Variants in ADAMTS17 observed in about 807,000 individuals in gnomAD.
The protein encoded by ADAMTS17 is ADAM metallopeptidase with thrombospondin type 1 motif 17.
A neutral mutation model predicts 141.5 loss-of-function variants in ADAMTS17; 113 were observed. That is an observed-to-expected ratio of 0.80 (90% confidence interval 0.69 to 0.93). The LOEUF (loss-of-function observed/expected upper bound fraction) is 0.93. Ranked by LOEUF, ADAMTS17 falls within the 40% of genes least tolerant of loss-of-function variation. The probability of loss-of-function intolerance (pLI) is 0.00; values close to 1 mark genes in which losing one functional copy is unlikely to be tolerated. For missense variants in ADAMTS17, 1,659 were observed against 1,517.9 expected (o/e 1.09, Z -1.54); for synonymous variants, 768 against 630.6 (o/e 1.22, Z -3.27).
intron 6 of ADAMTS17, among the ~76,000 whole-genome samples, chr15:100,259,978 G>A (rs1214029442): frequency 2.0e-5 from 3 of 152,108 alleles, no homozygotes; most frequent in Non-Finnish European, 4.4e-5. Context: ...CCAAGTAGCT[G>A]GGATTACAAG....
intron 19 of ADAMTS17, among the ~76,000 whole-genome samples, chr15:99,996,499 C>T (rs1477611881): frequency 6.6e-6 from 1 of 152,178 alleles, no homozygotes; most frequent in African/African-American, 2.4e-5. Context: ...CCTAAAATAT[C>T]ATAAAATGTA....
intron 18 of ADAMTS17, among the ~76,000 whole-genome samples, chr15:100,023,806 G>A (rs2727113): frequency 0.062 from 9,494 of 152,170 alleles, 921 homozygotes; most frequent in African/African-American, 0.21. Flanking sequence ...TGATCTTTGC[G>A]CTGATCTCCA....
chr15:100,325,761 T>C (rs1311354929), intron 3 of ADAMTS17, among the ~76,000 whole-genome samples: 1 of 152,228 alleles, frequency 6.6e-6, no homozygotes, highest in African/African-American at 2.4e-5. Flanking sequence ...CTATGCTTTA[T>C]GTAGACGCTG....
At position 100,213,971 on chromosome 15, in the gene ADAMTS17, A is replaced by G. The variant is rs530486187; in HGVS notation, c.1076-14548T>C. ...TTTTCTCCTTTCTGATGAATTTACAAAAGAAAGCAAGCTGCTGAGAAGGCC... is the reference window on the plus strand; with the variant it reads ...TTTTCTCCTTTCTGATGAATTTACAGAAGAAAGCAAGCTGCTGAGAAGGCC... On this transcript the variant is annotated intron_variant, in intron 7 of 21. Coordinates refer to ENST00000268070, the MANE Select transcript of ADAMTS17 (RefSeq NM_139057.4). Among the ~76,000 whole-genome samples, 125 of 152,342 alleles carry G rather than the reference A, an allele frequency of 8.2e-4. 2 individuals are homozygous for G. In the South Asian group the frequency reaches 0.025, roughly 30 times the overall value.
At chr15:100,149,898 C>G (rs1033230117) in intron 10 of ADAMTS17, among the ~76,000 whole-genome samples, 3 of 152,178 alleles carry the variant, frequency 2.0e-5, no homozygotes. Context: ...CACTGCTACC[C>G]CACAGTCAGA....
intron 3 of ADAMTS17, among the ~76,000 whole-genome samples, chr15:100,315,023 G>A (rs953461460): frequency 1.3e-5 from 2 of 152,242 alleles, no homozygotes; most frequent in African/African-American, 2.4e-5. Context: ...TGAGGGACAA[G>A]GGGGCAAACC....
intron 17 of ADAMTS17, among the ~76,000 whole-genome samples, chr15:100,049,374 C>T (rs1596301536): frequency 1.3e-5 from 2 of 152,196 alleles, no homozygotes; most frequent in Non-Finnish European, 2.9e-5. Flanking sequence ...AAGACCTGCA[C>T]ATCAGCCCTC....
chr15:100,291,592 A>G (rs2044626331), intron 3 of ADAMTS17, among the ~76,000 whole-genome samples: 1 of 152,212 alleles, frequency 6.6e-6, no homozygotes, highest in Non-Finnish European at 1.5e-5. Context: ...GAATCAATCT[A>G]GATGCCTATC....
At chr15:100,052,312 C>T (rs1270305959) in intron 16 of ADAMTS17, among the ~76,000 whole-genome samples, 1 of 152,196 alleles carries the variant, frequency 6.6e-6, no homozygotes, top group African/African-American at 2.4e-5. Flanking sequence ...ATGTGTACAC[C>T]CCAGTTTGGG....
intron 10 of ADAMTS17, 62 bp from the exon 11 acceptor site, chr15:100,133,377 G>T (rs2038159619): frequency 6.6e-7 from 1 of 1,504,082 alleles, no homozygotes; most frequent in African/African-American, 1.4e-5. Context: ...GTCACAGCTG[G>T]GGTCAGAGGT....
chr15:100,036,885 C>A (rs2030774020), intron 18 of ADAMTS17, among the ~76,000 whole-genome samples: 1 of 152,176 alleles, frequency 6.6e-6, no homozygotes, highest in Non-Finnish European at 1.5e-5. Context: ...TTCAGGGTTT[C>A]TCTGTGCCAG....
chr15:100,014,269 C>T (rs1226004138), intron 18 of ADAMTS17, among the ~76,000 whole-genome samples: 1 of 152,038 alleles, frequency 6.6e-6, no homozygotes, highest in African/African-American at 2.4e-5. Context: ...TTTGGATTTT[C>T]TCTCTTCTTT....
chr15:100,003,020 T>A (rs747426227), intron 18 of ADAMTS17, among the ~76,000 whole-genome samples: 4 of 151,984 alleles, frequency 2.6e-5, no homozygotes, highest in Non-Finnish European at 5.9e-5. Context: ...TGCCCCTGCC[T>A]CCCTCCTATG....
intron 7 of ADAMTS17, among the ~76,000 whole-genome samples, chr15:100,251,206 G>A (rs1436795396): frequency 6.6e-6 from 1 of 152,212 alleles, no homozygotes; most frequent in Admixed American, 6.5e-5. Context: ...GCTGTCACGT[G>A]AAGAACAGTG....
intron 7 of ADAMTS17, among the ~76,000 whole-genome samples, chr15:100,243,689 C>G (rs1406606393): frequency 6.6e-6 from 1 of 151,336 alleles, no homozygotes; most frequent in African/African-American, 2.4e-5. Context: ...ACGTGGGAGG[C>G]TGAGGCAGGA....
rs183458128 is a variant in ADAMTS17, at chr15:100,106,341, C to T, written c.2016+2648G>A. ...AGTCTAGGGTATTCGTTAGAGCAGCCTGAGTTGACTAAGACGACACCCAAG... is the reference window on the plus strand; with the variant it reads ...AGTCTAGGGTATTCGTTAGAGCAGCTTGAGTTGACTAAGACGACACCCAAG... On this transcript the variant is annotated intron_variant, in intron 14 of 21. Transcript: ENST00000268070. Among the ~76,000 whole-genome samples the T allele has an allele frequency of 7.0e-4, 106 of 152,264 alleles. 1 individual carries two copies. The highest frequency in any genetic ancestry group is 3.4e-3 in the Middle Eastern group (1 of 294).
intron 17 of ADAMTS17, 114 bp downstream of exon 17, chr15:100,051,455 ATTC>A: frequency 6.9e-7 from 1 of 1,453,312 alleles, no homozygotes; most frequent in African/African-American, 1.4e-5. Flanking sequence ...ATATGGTTAA[ATTC>A]CCATGGAGCT....
In ADAMTS17 at chr15:99,993,413, C is replaced by T. The variant is rs9635426; in HGVS notation, c.2797-213G>A. ...CGAGTGGCCAGTGTTGTGGAAGGGA[C>T]CTAGGAATCAGGAGTGGGAAGAACC... On this transcript the variant is annotated intron_variant, in intron 19 of 21. Transcript: ENST00000268070. This position sits in a 1 kb window ranked among gnomAD's most constrained non-coding sequence, Gnocchi z 4.3. 6.0e-4 allele frequency among the ~76,000 whole-genome samples: 91 copies of T among 152,210 alleles called. 2 individuals are homozygous for T. In the East Asian group the frequency reaches 0.017, roughly 29 times the overall value.
intron 10 of ADAMTS17, among the ~76,000 whole-genome samples, chr15:100,144,378 T>C (rs1705787984): frequency 6.6e-6 from 1 of 152,026 alleles, no homozygotes; most frequent in African/African-American, 2.4e-5. Context: ...GGCAAAACCC[T>C]GTCTCTACTA....
Sources: allele counts gnomAD v4.1 joint callset (sites outside exome capture counted in the v4.1 genomes callset), GRCh38; gene constraint gnomAD v4.1.1; non-coding constraint Gnocchi (gnomAD v3.1); transcripts MANE v1.5; gene names NCBI Gene and HGNC (gene_info 2026-07-23, HGNC 2026-07-21).